The following ADAM12 variants were observed in gnomAD, a reference collection of about 807,000 sequenced individuals.
ADAM12 encodes disintegrin and metalloproteinase domain-containing protein 12.
A neutral mutation model predicts 106.4 loss-of-function variants in ADAM12; 70 were observed. The ratio of observed to expected loss-of-function variants is 0.66; its 90% CI spans 0.54 to 0.80. The LOEUF is 0.80. ADAM12 is among the 30% of genes least tolerant of loss of function. The probability of loss-of-function intolerance (pLI) is 0.00; values close to 1 mark genes in which losing one functional copy is unlikely to be tolerated. For missense variants in ADAM12, 1,010 were observed against 1,171.9 expected, an observed-to-expected ratio of 0.86 and a Z score of 2.02; for synonymous variants, 420 against 433.5, an observed-to-expected ratio of 0.97 and a Z score of 0.39.
intron 3 of ADAM12, among the ~76,000 whole-genome samples, chr10:126,275,134 G>T (rs868530934): frequency 3.3e-5 from 5 of 152,196 alleles, no homozygotes; most frequent in African/African-American, 1.2e-4. Context: ...CTGGGATTGA[G>T]AGATGTAAGG....
intron 2 of ADAM12, among the ~76,000 whole-genome samples, chr10:126,297,437 T>C (rs554719539): frequency 2.7e-4 from 41 of 152,272 alleles, no homozygotes; most frequent in African/African-American, 9.4e-4. Context: ...TAGTCTCGGC[T>C]ACTCAGGAGG....
At chr10:126,218,674 A>C (rs1194045390) in intron 3 of ADAM12, among the ~76,000 whole-genome samples, 2 of 152,206 alleles carry the variant, frequency 1.3e-5, no homozygotes, top group Non-Finnish European at 2.9e-5. Context: ...CACCCATCCC[A>C]CAACACTGGC....
chr10:126,038,009 G>T (rs1954089161), intron 20 of ADAM12, among the ~76,000 whole-genome samples: 1 of 151,916 alleles, frequency 6.6e-6, no homozygotes, highest in Non-Finnish European at 1.5e-5. Flanking sequence ...ACCATATCAT[G>T]CAGGGGGCAC....
intron 1 of ADAM12, among the ~76,000 whole-genome samples, chr10:126,377,554 G>A (rs765306601): frequency 4.6e-5 from 7 of 151,914 alleles, no homozygotes; most frequent in Non-Finnish European, 8.8e-5. Flanking sequence ...TGCCTTTCCC[G>A]GCCCACTGAC....
At chr10:126,174,251 T>A (rs530182152) in intron 3 of ADAM12, among the ~76,000 whole-genome samples, 280 of 150,050 alleles carry the variant, frequency 1.9e-3, no homozygotes, top group Non-Finnish European at 3.1e-3. Context: ...TGCTAAACCA[T>A]CTGAGGATAA....
At chr10:126,212,218 CA>C (rs34908710) in intron 3 of ADAM12, among the ~76,000 whole-genome samples, 2 of 151,992 alleles carry the variant, frequency 1.3e-5, no homozygotes, top group Middle Eastern at 3.2e-3. Flanking sequence ...CCACAAACTC[CA>C]AAAAAAGTTT....
chr10:126,276,592 C>T (rs935890595), intron 3 of ADAM12, among the ~76,000 whole-genome samples: 12 of 151,934 alleles, frequency 7.9e-5, no homozygotes, highest in Admixed American at 3.3e-4. Flanking sequence ...ATATTGGCAT[C>T]CTCTTATTAT....
At chr10:126,263,225 GA>G (rs1959035351) in intron 3 of ADAM12, among the ~76,000 whole-genome samples, 1 of 152,194 alleles carries the variant, frequency 6.6e-6, no homozygotes, top group Admixed American at 6.5e-5. Context: ...GTTAAAGTGA[GA>G]ACATACTTGA....
intron 3 of ADAM12, among the ~76,000 whole-genome samples, chr10:126,162,918 G>T (rs1299712142): frequency 6.6e-6 from 1 of 152,136 alleles, no homozygotes; most frequent in African/African-American, 2.4e-5. Flanking sequence ...GGAGGTGTTT[G>T]GATTGTGGGG....
chr10:126,129,617 G>T (rs912223056), intron 5 of ADAM12, among the ~76,000 whole-genome samples: 2 of 152,222 alleles, frequency 1.3e-5, no homozygotes, highest in Admixed American at 1.3e-4. Flanking sequence ...AATGTAAAAA[G>T]GGGGAGGAGA....
chr10:126,324,522 A>C (rs1854221362), intron 2 of ADAM12, among the ~76,000 whole-genome samples: 1 of 152,234 alleles, frequency 6.6e-6, no homozygotes, highest in South Asian at 2.1e-4. Flanking sequence ...AGGACTGGAA[A>C]GCAGGAAGGG....
intron 3 of ADAM12, among the ~76,000 whole-genome samples, chr10:126,221,665 A>C (rs1421840917): frequency 6.6e-6 from 1 of 152,124 alleles, no homozygotes; most frequent in Non-Finnish European, 1.5e-5. Flanking sequence ...CTACTCATTC[A>C]TTGTTCGCAT....
intron 10 of ADAM12, among the ~76,000 whole-genome samples, chr10:126,094,686 C>T (rs952005452): frequency 1.3e-5 from 2 of 152,216 alleles, no homozygotes; most frequent in Admixed American, 1.3e-4. Context: ...CATAATAAAT[C>T]TGACCACATT....
intron 2 of ADAM12, among the ~76,000 whole-genome samples, chr10:126,293,523 T>A (rs181513780): frequency 6.6e-6 from 1 of 152,146 alleles, no homozygotes; most frequent in Non-Finnish European, 1.5e-5. Flanking sequence ...TATTTTTATT[T>A]ATTTTGTTTT....
chr10:126,285,625 T>C (rs1168564156), intron 2 of ADAM12, among the ~76,000 whole-genome samples: 1 of 152,228 alleles, frequency 6.6e-6, no homozygotes, highest in Non-Finnish European at 1.5e-5. Context: ...ACCCCAAGAC[T>C]GATACTGCAT....
At chr10:126,093,939 T>C (rs748415081) in intron 11 of ADAM12, 46 bp downstream of exon 11, 1 of 1,607,820 alleles carries the variant, frequency 6.2e-7, no homozygotes, top group Non-Finnish European at 8.5e-7. Context: ...AACACACACT[T>C]CAAGCCATGC....
At position 126,156,370 on chromosome 10, in the gene ADAM12, C is replaced by T. The variant is rs138372761; in HGVS notation, c.261-1065G>A. Among the ~76,000 whole-genome samples the T allele has an allele frequency of 2.2e-4, 33 of 152,302 alleles. No individual in the cohort carries two copies. The East Asian group carries it at 5.0e-3, about 23-fold the overall frequency. On this transcript the variant is annotated intron_variant, in intron 3 of 22. Coordinates refer to ENST00000448723, the MANE Select transcript of ADAM12 (RefSeq NM_001288973.2). Reference sequence around the variant, plus strand: ...AAATATCCTCTCCATTTACATAGGGCGTACAGCGATTAAATGACTTTGTAA... The same window carrying T: ...AAATATCCTCTCCATTTACATAGGGTGTACAGCGATTAAATGACTTTGTAA...
rs563148456 is a variant in ADAM12, at chr10:126,330,501, A to C, written c.97T>G (p.Leu33Val). The C allele has an allele frequency of 1.2e-6, 2 of 1,613,566 alleles. No individual in the cohort carries two copies. Among genetic ancestry groups the C allele is most frequent in the Non-Finnish European group, 1.7e-6 (2 of 1,179,874 alleles). The part of the protein sequence containing the change: ...LAPCEARGVS[L>V]WNQGRADEVV... ...TCATCAGCTCTTCCTTGGTTCCATA[A>C]GCTCACCCCTGAATCAAAAGGAAAA... is the stretch of plus-strand genomic sequence containing the variant. Residue 33 changes from leucine (L) to valine (V), a missense_variant, in exon 2 of 23, where the codon TTA (leucine) becomes GTA (valine). Leu to Val is a conservative substitution (Grantham distance 32, BLOSUM62 1). This residue lies in a region of ADAM12 where 391 missense variants were observed against 442.9 expected (regional missense o/e 0.88). Coordinates refer to ENST00000448723, the MANE Select transcript of ADAM12 (RefSeq NM_001288973.2).
intron 3 of ADAM12, among the ~76,000 whole-genome samples, chr10:126,240,738 T>C (rs1030400017): frequency 3.9e-5 from 6 of 151,944 alleles, no homozygotes; most frequent in Non-Finnish European, 7.4e-5. Context: ...TGGAACTCAG[T>C]GAAAGAGTGA....
Sources: allele counts gnomAD v4.1 joint callset (sites outside exome capture counted in the v4.1 genomes callset), GRCh38; gene constraint gnomAD v4.1.1; regional missense constraint gnomAD v4.1.1; transcripts MANE v1.5; gene names NCBI Gene and HGNC (gene_info 2026-07-23, HGNC 2026-07-21).